The following PIEZO2 variants were observed in gnomAD, a reference collection of about 807,000 sequenced individuals.
PIEZO2 encodes the protein piezo-type mechanosensitive ion channel component 2.
PIEZO2 carries 172 observed loss-of-function variants against 337.3 expected under a neutral mutation model. The observed-to-expected ratio is 0.51, with a 90% confidence interval of 0.45 to 0.58. PIEZO2 has a LOEUF of 0.58. Ranked by LOEUF, PIEZO2 falls within the 20% of genes least tolerant of loss-of-function variation. The pLI, the probability that PIEZO2 is intolerant of heterozygous loss-of-function variation, is 0.00. For synonymous variants in PIEZO2, 1,251 were observed against 1,228.5 expected, an observed-to-expected ratio of 1.02 and a Z score of -0.38; for missense variants, 3,028 against 3,391.3, an observed-to-expected ratio of 0.89 and a Z score of 2.66.
At chr18:11,066,287 G>C in intron 1 of PIEZO2, 65 bp from the exon 2 acceptor site, 1 of 1,281,434 alleles carries the variant, frequency 7.8e-7, no homozygotes, top group Admixed American at 2.1e-5. Context: ...CAAAACCAGG[G>C]GTGCATAACA....
At chr18:10,957,740 T>G (rs1598744883) in intron 3 of PIEZO2, among the ~76,000 whole-genome samples, 1 of 152,180 alleles carries the variant, frequency 6.6e-6, no homozygotes, top group Non-Finnish European at 1.5e-5. Context: ...ACCCATGCAT[T>G]GAAAGAAAAT....
rs1188316262 is a variant in PIEZO2, at chr18:11,031,809, T to C, written c.160+34318A>G. Among the ~76,000 whole-genome samples, 1 of 152,212 alleles carries C rather than the reference T, an allele frequency of 6.6e-6. No individual in the cohort carries two copies. The highest frequency in any genetic ancestry group is 1.5e-5 in the Non-Finnish European group (1 of 68,028). On this transcript the variant is annotated intron_variant, in intron 2 of 55. Transcript: ENST00000674853. The surrounding 1 kb of genome is among the most constrained non-coding windows in gnomAD (Gnocchi z 4.7). ...ACATTAAGGTATGGGGCATGAGGTG[T>C]TGGCAAGCTCAGGGCAATGGCTATT...
rs188143670 is a variant in PIEZO2, at chr18:10,918,224, A to T, written c.287-6996T>A. Among the ~76,000 whole-genome samples, 359 of 152,304 alleles carry T rather than the reference A, an allele frequency of 2.4e-3. 3 individuals carry two copies. The highest frequency in any genetic ancestry group is 8.1e-3 in the African/African-American group (335 of 41,590). On this transcript the variant is annotated intron_variant, in intron 3 of 55. Coordinates refer to ENST00000674853, the MANE Select transcript of PIEZO2 (RefSeq NM_001378183.1). ...AAGTCCTATTTCCCACATGAGGTTC[A>T]TCATTAATAGATTAAAAGTAATTGT...
intron 36 of PIEZO2, chr18:10,725,012 G>T: frequency 6.3e-7 from 1 of 1,587,160 alleles, no homozygotes; most frequent in South Asian, 1.1e-5. Flanking sequence ...GCAGGCCATA[G>T]TGCCAGCAAG....
intron 2 of PIEZO2, among the ~76,000 whole-genome samples, chr18:11,055,823 G>A (rs995726020): frequency 3.9e-5 from 6 of 152,150 alleles, no homozygotes; most frequent in African/African-American, 7.2e-5. Context: ...GCATCTGGCC[G>A]AGTGTGTGCA....
chr18:10,800,550 C>T, intron 10 of PIEZO2, 75 bp from the exon 11 acceptor site: 3 of 1,432,258 alleles, frequency 2.1e-6, no homozygotes, highest in Non-Finnish European at 2.7e-6. Flanking sequence ...CCCCACTTCC[C>T]TTCCTCCACC....
Position 10,748,349 on chromosome 18 carries a change from G to T in PIEZO2, c.4424+122C>A, listed in dbSNP as rs373063698. 6.2e-5 allele frequency: 60 copies of T among 960,192 alleles called. No homozygotes were observed. In the African/African-American group the frequency reaches 8.5e-4, roughly 14 times the overall value. 59.5% of individuals were successfully genotyped at this position (960,192 alleles called of 1,614,324 possible). ...GCTAAATTCTTCTTGGATTGGTTTT[G>T]CTGGAAGGGATTTCTTAACTTCTTG... On this transcript the variant is annotated intron_variant, in intron 30 of 55. Transcript: ENST00000674853. The surrounding 1 kb of genome is among the most constrained non-coding windows in gnomAD (Gnocchi z 5.1).
In PIEZO2 at chr18:11,126,586, C is replaced by G. The variant is rs1270798939; in HGVS notation, c.64+21939G>C. ...GAGAACTACAGAGAAGCTGAACTATCTATGGTTTAAAGAGGATCTCAAGAG... is the reference window on the plus strand; with the variant it reads ...GAGAACTACAGAGAAGCTGAACTATGTATGGTTTAAAGAGGATCTCAAGAG... On this transcript the variant is annotated intron_variant, in intron 1 of 55. Coordinates refer to ENST00000674853, the MANE Select transcript of PIEZO2 (RefSeq NM_001378183.1). The surrounding 1 kb of genome is among the most constrained non-coding windows in gnomAD (Gnocchi z 4.6). Among the ~76,000 whole-genome samples the G allele has an allele frequency of 6.6e-6, 1 of 151,632 alleles. No homozygotes were observed. The highest frequency in any genetic ancestry group is 1.5e-5 in the Non-Finnish European group (1 of 67,972).
At chr18:10,995,974 C>T (rs1383072550) in intron 2 of PIEZO2, among the ~76,000 whole-genome samples, 4 of 152,144 alleles carry the variant, frequency 2.6e-5, no homozygotes, top group African/African-American at 9.6e-5. Context: ...TAAAAGAAAA[C>T]AAATAACTAA....
chr18:10,747,124 G>A (rs2037455563), intron 30 of PIEZO2, among the ~76,000 whole-genome samples: 1 of 152,184 alleles, frequency 6.6e-6, no homozygotes, highest in South Asian at 2.1e-4. Context: ...CAATAGGCAT[G>A]AACTGTACTC....
intron 20 of PIEZO2, among the ~76,000 whole-genome samples, chr18:10,770,952 A>G (rs971896176): frequency 2.0e-5 from 3 of 151,948 alleles, no homozygotes; most frequent in South Asian, 2.1e-4. Context: ...GCTGGTCTTG[A>G]ACTCTTGGCC....
In PIEZO2 at chr18:11,077,497, A is replaced by G. The variant is rs1041525076; in HGVS notation, c.65-11275T>C. On this transcript the variant is annotated intron_variant, in intron 1 of 55. Coordinates refer to ENST00000674853, the MANE Select transcript of PIEZO2 (RefSeq NM_001378183.1). The surrounding 1 kb of genome is among the most constrained non-coding windows in gnomAD (Gnocchi z 4.8). ...ACCTGGGCAACATAGTGAGACCCCC[A>G]TCTCCACACAAAAAAAGAAAAAACT... is the stretch of plus-strand genomic sequence containing the variant. Among the ~76,000 whole-genome samples the G allele has an allele frequency of 6.6e-6, 1 of 152,024 alleles. No homozygotes were observed. Among genetic ancestry groups the G allele is most frequent in the Admixed American group, 6.5e-5 (1 of 15,270 alleles).
Position 10,979,755 on chromosome 18 carries a change from G to T in PIEZO2, c.161-95C>A. The T allele has an allele frequency of 8.9e-7, 1 of 1,128,572 alleles. No homozygotes were observed. Among genetic ancestry groups the T allele is most frequent in the Non-Finnish European group, 1.2e-6 (1 of 862,004 alleles). The allele number at this position is 1,128,572 out of a possible 1,614,324, so 69.9% of individuals were successfully genotyped here. ...ATATTTCTGTATAACCTATTAGATAGACCGACTCAAAAGTATATGGAATGT... is the reference window on the plus strand; with the variant it reads ...ATATTTCTGTATAACCTATTAGATATACCGACTCAAAAGTATATGGAATGT... On this transcript the variant is annotated intron_variant, in intron 2 of 55. Coordinates refer to ENST00000674853, the MANE Select transcript of PIEZO2 (RefSeq NM_001378183.1). This position sits in a 1 kb window ranked among gnomAD's most constrained non-coding sequence, Gnocchi z 4.0.
At chr18:11,117,748 G>T (rs1342177541) in intron 1 of PIEZO2, among the ~76,000 whole-genome samples, 2 of 152,190 alleles carry the variant, frequency 1.3e-5, no homozygotes, top group Non-Finnish European at 2.9e-5. Context: ...GGTGGGAGAG[G>T]CTGTGAAATC....
chr18:10,944,517 GATAT>G (rs368272727), intron 3 of PIEZO2, among the ~76,000 whole-genome samples: 2,098 of 49,808 alleles, frequency 0.042, 57 homozygotes, highest in African/African-American at 0.12. Flanking sequence ...CTTAGTAACA[GATAT>G]ATATATATAT....
At chr18:10,959,536 T>A (rs2033676460) in intron 3 of PIEZO2, among the ~76,000 whole-genome samples, 2 of 152,182 alleles carry the variant, frequency 1.3e-5, no homozygotes, top group African/African-American at 4.8e-5. Context: ...GAATCAATTT[T>A]TAAAATTGAT....
intron 27 of PIEZO2, among the ~76,000 whole-genome samples, chr18:10,754,410 T>C (rs2037759426): frequency 6.6e-6 from 1 of 152,228 alleles, no homozygotes; most frequent in Non-Finnish European, 1.5e-5. Context: ...GCTGGCTTCC[T>C]ACTTACTGCT....
chr18:10,672,997 T>C lies in PIEZO2; in HGVS notation c.8162-124A>G. ...GCATAAGGTTCTAGGATGAAAAGGA[T>C]GCATGGACATACTAGAAGCGTGAAT... On this transcript the variant is annotated intron_variant, in intron 54 of 55. Coordinates refer to ENST00000674853, the MANE Select transcript of PIEZO2 (RefSeq NM_001378183.1). This position sits in a 1 kb window ranked among gnomAD's most constrained non-coding sequence, Gnocchi z 4.7. The C allele has an allele frequency of 5.3e-6, 4 of 748,246 alleles. No individual in the cohort carries two copies. Among genetic ancestry groups the C allele is most frequent in the Non-Finnish European group, 8.6e-6 (4 of 467,674 alleles). 46.4% of individuals were successfully genotyped at this position (748,246 alleles called of 1,614,324 possible). A position where few individuals can be genotyped will look rare whatever the true frequency, so the allele number is the denominator to read the frequency against.
At position 10,742,268 on chromosome 18, in the gene PIEZO2, A is replaced by G. The variant is rs56916930; in HGVS notation, c.4636+226T>C. On this transcript the variant is annotated intron_variant, in intron 32 of 55. Transcript: ENST00000674853. The stretch of plus-strand genomic sequence containing the variant: ...GCTAGGTTATGTATTTGTTAAAGCT[A>G]TCTTGCTGAAGAGTGGATACTTGTA... Among the ~76,000 whole-genome samples, 2,547 of 152,358 alleles carry G rather than the reference A, an allele frequency of 0.017. 69 individuals carry two copies. Among genetic ancestry groups the G allele is most frequent in the African/African-American group, 0.059 (2,436 of 41,572 alleles).
Sources: allele counts gnomAD v4.1 joint callset (sites outside exome capture counted in the v4.1 genomes callset), GRCh38; gene constraint gnomAD v4.1.1; non-coding constraint Gnocchi (gnomAD v3.1); transcripts MANE v1.5; gene names NCBI Gene and HGNC (gene_info 2026-07-23, HGNC 2026-07-21).